RUFY3: variants seen among roughly 807,000 people sequenced by gnomAD.
The protein encoded by RUFY3 is protein RUFY3.
Under a neutral mutation model 84.0 loss-of-function variants are expected in RUFY3, and 34 were observed. The observed-to-expected ratio is 0.40, with a 90% CI of 0.31 to 0.54. The LOEUF (loss-of-function observed/expected upper bound fraction) is 0.54, where lower values mean the gene tolerates loss of function less well. RUFY3 is among the 20% of genes least tolerant of loss of function. RUFY3 has a pLI of 0.39. For synonymous variants in RUFY3, 242 were observed against 252.9 expected, an observed-to-expected ratio of 0.96 and a Z score of 0.41; for missense variants, 507 against 736.8, an observed-to-expected ratio of 0.69 and a Z score of 3.61.
chr4:70,742,501 G>A (rs1466694991), intron 1 of RUFY3, among the ~76,000 whole-genome samples: 1 of 151,842 alleles, frequency 6.6e-6, no homozygotes, highest in East Asian at 1.9e-4. Context: ...TTCCCCCTCC[G>A]CCTGTGCCAC....
At chr4:70,724,127 A>AT (rs894037480) in intron 1 of RUFY3, among the ~76,000 whole-genome samples, 66 of 152,244 alleles carry the variant, frequency 4.3e-4, no homozygotes, top group African/African-American at 1.2e-3. Flanking sequence ...AGTACTATTT[A>AT]TTTTTTATTA....
intron 14 of RUFY3, among the ~76,000 whole-genome samples, chr4:70,797,080 G>A (rs900945928): frequency 1.2e-4 from 18 of 151,500 alleles, no homozygotes; most frequent in Admixed American, 4.0e-4. Flanking sequence ...AGCTGGGACT[G>A]TAGGCACACA....
At chr4:70,793,630 C>A in intron 12 of RUFY3, 155 bp from the exon 13 acceptor site, 2 of 1,490,732 alleles carry the variant, frequency 1.3e-6, no homozygotes, top group Middle Eastern at 2.3e-4. Context: ...TTTTCCCCCC[C>A]ATAATTTCTT....
chr4:70,804,234 T>A, intron 16 of RUFY3, 114 bp from the exon 17 acceptor site: 1 of 773,970 alleles, frequency 1.3e-6, no homozygotes, highest in Non-Finnish European at 2.1e-6. Context: ...TTGGTTTAGT[T>A]TCCAGATAGT....
chr4:70,722,004 G>C lies in RUFY3; in HGVS notation c.-570G>C, dbSNP rs1742356037. On this transcript the variant is annotated 5_prime_UTR_variant, in exon 1 of 18. Transcript: ENST00000381006. ...CATTTTGGTCAACACCCTGCTTACT[G>C]CGCACGGCCAATCCTATGAGAACTC... is the stretch of plus-strand genomic sequence containing the variant. 1 of 1,232,064 alleles carries C rather than the reference G, an allele frequency of 8.1e-7. No individual in the cohort carries two copies. Among genetic ancestry groups the C allele is most frequent in the East Asian group, 3.2e-5 (1 of 31,726 alleles). The allele number at this position is 1,232,064 out of a possible 1,614,324, so 76.3% of individuals were successfully genotyped here.
intron 5 of RUFY3, among the ~76,000 whole-genome samples, chr4:70,771,440 G>T (rs1726938016): frequency 6.6e-6 from 1 of 152,076 alleles, no homozygotes. Context: ...AAAACGTTAA[G>T]TACTAATAGC....
upstream of RUFY3, among the ~76,000 whole-genome samples, chr4:70,717,975 C>T (rs1488849156): frequency 2.7e-5 from 4 of 148,620 alleles, no homozygotes; most frequent in East Asian, 2.0e-4. Flanking sequence ...CTCCGCCTCC[C>T]GGGTTCACGC....
intron 1 of RUFY3, among the ~76,000 whole-genome samples, chr4:70,708,705 T>G (rs1740625907): frequency 2.0e-5 from 3 of 152,194 alleles, no homozygotes; most frequent in Non-Finnish European, 4.4e-5. Context: ...AAATTTTACA[T>G]TTGAGTTCAG....
At chr4:70,797,872 ACT>A (rs1338123356) in intron 14 of RUFY3, among the ~76,000 whole-genome samples, 5 of 151,724 alleles carry the variant, frequency 3.3e-5, no homozygotes, top group South Asian at 2.1e-4. Context: ...AAAAAAAAAC[ACT>A]CTGTGTAGCA....
At chr4:70,725,304 G>A (rs538470940) in intron 1 of RUFY3, among the ~76,000 whole-genome samples, 2 of 151,972 alleles carry the variant, frequency 1.3e-5, no homozygotes, top group Non-Finnish European at 2.9e-5. Flanking sequence ...TGGTCAATGA[G>A]GGATTATCTC....
chr4:70,720,969 G>T (rs562225611), upstream of RUFY3, among the ~76,000 whole-genome samples: 3 of 150,356 alleles, frequency 2.0e-5, no homozygotes, highest in Non-Finnish European at 3.0e-5. Flanking sequence ...GTATCTTATC[G>T]AATGGGAGGA....
chr4:70,748,667 G>C (rs142422676), intron 1 of RUFY3, among the ~76,000 whole-genome samples: 25 of 152,268 alleles, frequency 1.6e-4, no homozygotes, highest in Middle Eastern at 3.4e-3. Flanking sequence ...CTGCATATCT[G>C]TGCCAGTTCT....
In RUFY3 at chr4:70,770,953, G is replaced by C. The variant is rs200908532; in HGVS notation, c.696+2292G>C. Reference sequence around the variant, plus strand: ...CAGTATTGTTGTGTCTTAGGGAATAGGGAGGCCAAGGAGAAGGGAGAGAGA... The same window carrying C: ...CAGTATTGTTGTGTCTTAGGGAATACGGAGGCCAAGGAGAAGGGAGAGAGA... On this transcript the variant is annotated intron_variant, in intron 5 of 17. Transcript: ENST00000381006. 7.2e-5 allele frequency among the ~76,000 whole-genome samples: 11 copies of C among 152,240 alleles called. No individual in the cohort carries two copies. The East Asian group carries it at 1.7e-3, about 24-fold the overall frequency.
In RUFY3 at chr4:70,802,905, G is replaced by A. The variant is rs377334902; in HGVS notation, c.1623-51G>A. 43 of 1,374,302 alleles carry A rather than the reference G, an allele frequency of 3.1e-5. No homozygotes were observed. In the South Asian group the frequency reaches 3.6e-4, roughly 12 times the overall value. 85.1% of individuals were successfully genotyped at this position (1,374,302 alleles called of 1,614,324 possible). ...AGCTTTTTATTGAAATGATATAAAT[G>A]AAAATACATGAAGTTCCTATTTGTC... On this transcript the variant is annotated intron_variant, in intron 15 of 17. Coordinates refer to ENST00000381006, the MANE Select transcript of RUFY3 (RefSeq NM_001037442.4).
chr4:70,793,063 A>G (rs1731065495), intron 12 of RUFY3: 2 of 985,362 alleles, frequency 2.0e-6, no homozygotes, highest in South Asian at 4.7e-5. Flanking sequence ...ATGCTTCTCT[A>G]TAGGTGCAAA....
chr4:70,756,495 C>G (rs1416302781), intron 1 of RUFY3, among the ~76,000 whole-genome samples: 1 of 152,118 alleles, frequency 6.6e-6, no homozygotes, highest in African/African-American at 2.4e-5. Context: ...TACTTAAACC[C>G]CTGGCATTTT....
At chr4:70,788,577 G>T (rs1163226100) in intron 10 of RUFY3, among the ~76,000 whole-genome samples, 1 of 152,036 alleles carries the variant, frequency 6.6e-6, no homozygotes, top group East Asian at 1.9e-4. Flanking sequence ...TGGCTTAGCA[G>T]GTTTTTCAGA....
At chr4:70,763,779 C>G (rs1025640994) in intron 3 of RUFY3, 110 bp downstream of exon 3, 3 of 1,317,902 alleles carry the variant, frequency 2.3e-6, no homozygotes, top group Non-Finnish European at 3.1e-6. Flanking sequence ...TATAACAATC[C>G]AAAATGCATG....
At chr4:70,723,521 T>C (rs1190961617) in intron 1 of RUFY3, among the ~76,000 whole-genome samples, 1 of 151,724 alleles carries the variant, frequency 6.6e-6, no homozygotes, top group Middle Eastern at 3.2e-3. Context: ...TCTCTTGACT[T>C]GCGACTTTTT....
Sources: gnomAD v4.1 joint callset for allele counts (sites outside exome capture counted in the v4.1 genomes callset) on GRCh38, gnomAD v4.1.1 for gene constraint, MANE v1.5 for transcripts, NCBI Gene and HGNC (gene_info 2026-07-23, HGNC 2026-07-21) for gene names.